Variants in MYO18B observed in about 807,000 individuals in gnomAD.
MYO18B encodes myosin XVIIIB, also known as unconventional myosin-XVIIIb.
A neutral mutation model predicts 273.0 loss-of-function variants in MYO18B; 204 were observed. The ratio of observed to expected loss-of-function variants is 0.75; its 90% CI spans 0.67 to 0.84. The LOEUF is 0.84. MYO18B is among the 40% of genes least tolerant of loss of function. The pLI, the probability that MYO18B is intolerant of heterozygous loss-of-function variation, is 0.00. For synonymous variants in MYO18B, 1,330 were observed against 1,305.7 expected, an observed-to-expected ratio of 1.02 and a Z score of -0.40; for missense variants, 3,212 against 3,287.6, an observed-to-expected ratio of 0.98 and a Z score of 0.56.
intron 15 of MYO18B, 52 bp downstream of exon 15, chr22:25,829,020 G>A (rs1304175195): frequency 1.5e-5 from 23 of 1,579,994 alleles, no homozygotes; most frequent in African/African-American, 2.7e-5. Context: ...GATGGTGTAA[G>A]GTCAGATGGG....
intron 34 of MYO18B, among the ~76,000 whole-genome samples, chr22:25,938,901 T>G (rs926251768): frequency 1.3e-5 from 2 of 152,180 alleles, no homozygotes; most frequent in African/African-American, 4.8e-5. Flanking sequence ...CACAGCAGCC[T>G]TTCATTCCTG....
chr22:26,007,949 CTATCT>C lies in MYO18B; in HGVS notation c.6470+3096_6470+3100del, dbSNP rs1569290006. On this transcript the variant is annotated intron_variant, in intron 42 of 43. Coordinates refer to ENST00000335473, the MANE Select transcript of MYO18B (RefSeq NM_032608.7). ...TCTTCAGTTTGGTGTATATCCTTCT[CTATCT>C]TTTTCTATATGTATATATCATAAAC... 4.6e-5 allele frequency among the ~76,000 whole-genome samples: 7 copies of C among 152,324 alleles called. No individual in the cohort carries two copies. The South Asian group carries it at 1.4e-3, about 32-fold the overall frequency.
rs1254376568 is a variant in MYO18B, at chr22:25,893,847, C to G, written c.4544-1309C>G. 3.3e-5 allele frequency among the ~76,000 whole-genome samples: 5 copies of G among 151,848 alleles called. No individual in the cohort carries two copies. In the East Asian group the frequency reaches 5.8e-4, roughly 18 times the overall value. ...TCCATCTGCCCATCTACTCACCCAC[C>G]TATCCATATACCCTACCACTTATTT... On this transcript the variant is annotated intron_variant, in intron 27 of 43. Transcript: ENST00000335473.
chr22:25,861,242 C>T (rs2090726301), intron 21 of MYO18B, among the ~76,000 whole-genome samples: 1 of 152,172 alleles, frequency 6.6e-6, no homozygotes, highest in South Asian at 2.1e-4. Flanking sequence ...GTATTACGCT[C>T]TCCAACTATT....
chr22:26,017,203 CT>C (rs1232273500), intron 42 of MYO18B, among the ~76,000 whole-genome samples: 1 of 149,760 alleles, frequency 6.7e-6, no homozygotes, highest in Non-Finnish European at 1.5e-5. Context: ...TTTCTTCCTT[CT>C]TTTTTTAAAT....
chr22:26,004,285 A>G (rs1934238602), intron 41 of MYO18B, among the ~76,000 whole-genome samples: 1 of 152,164 alleles, frequency 6.6e-6, no homozygotes, highest in Non-Finnish European at 1.5e-5. Context: ...TTTAAAGATG[A>G]TCCAGATAAG....
intron 42 of MYO18B, among the ~76,000 whole-genome samples, chr22:26,019,420 C>A (rs770993383): frequency 1.1e-4 from 16 of 152,200 alleles, no homozygotes; most frequent in Non-Finnish European, 1.9e-4. Context: ...GCAATATCTG[C>A]TTTAGAGGAC....
intron 12 of MYO18B, among the ~76,000 whole-genome samples, chr22:25,823,300 G>C (rs1039018992): frequency 6.6e-6 from 1 of 152,210 alleles, no homozygotes; most frequent in Non-Finnish European, 1.5e-5. Flanking sequence ...TGGCGAGGAA[G>C]TCGGATAAGC....
chr22:26,003,185 G>A, intron 40 of MYO18B, 80 bp from the exon 41 acceptor site: 1 of 1,298,468 alleles, frequency 7.7e-7, no homozygotes, highest in Non-Finnish European at 1.1e-6. Flanking sequence ...TCACACTCAT[G>A]TCTGTCTAAC....
intron 8 of MYO18B, among the ~76,000 whole-genome samples, chr22:25,778,410 TTAA>T (rs1272977739): frequency 5.9e-5 from 9 of 152,098 alleles, no homozygotes; most frequent in African/African-American, 2.2e-4. Context: ...AACTACAATA[TTAA>T]TAACCATCAG....
intron 20 of MYO18B, among the ~76,000 whole-genome samples, chr22:25,848,385 T>C (rs1272025124): frequency 6.6e-6 from 1 of 152,144 alleles, no homozygotes; most frequent in Non-Finnish European, 1.5e-5. Flanking sequence ...CATAAGAAAC[T>C]GTCACCTCTG....
intron 31 of MYO18B, among the ~76,000 whole-genome samples, chr22:25,906,298 T>TTA (rs35770618): frequency 0.27 from 40,662 of 152,048 alleles, 6,018 homozygotes; most frequent in Middle Eastern, 0.36. Context: ...AAAAGAAATA[T>TTA]TATAGTTACT....
intron 28 of MYO18B, 27 bp from the exon 29 acceptor site, chr22:25,898,280 G>C: frequency 6.2e-7 from 1 of 1,604,852 alleles, no homozygotes; most frequent in Non-Finnish European, 8.5e-7. Flanking sequence ...CCACAGAGCC[G>C]GGTAATTCAT....
intron 19 of MYO18B, 91 bp downstream of exon 19, chr22:25,846,374 A>G: frequency 7.0e-7 from 1 of 1,418,770 alleles, no homozygotes; most frequent in South Asian, 1.3e-5. Context: ...CATCATCTCT[A>G]ACCTCCCCAG....
the MYO18B span, among the ~76,000 whole-genome samples, chr22:26,050,361 G>T: frequency 6.6e-6 from 1 of 152,208 alleles, no homozygotes; most frequent in Non-Finnish European, 1.5e-5. Flanking sequence ...TGGGAATTTC[G>T]ATATACAGAC....
intron 11 of MYO18B, among the ~76,000 whole-genome samples, chr22:25,796,644 A>T (rs1386597486): frequency 6.6e-6 from 1 of 152,108 alleles, no homozygotes; most frequent in Non-Finnish European, 1.5e-5. Flanking sequence ...TGCACGGAAG[A>T]CAGAAAACAA....
chr22:25,870,504 T>G (rs558019768), intron 22 of MYO18B, among the ~76,000 whole-genome samples: 35 of 152,336 alleles, frequency 2.3e-4, no homozygotes, highest in African/African-American at 7.7e-4. Context: ...AATATGGTAT[T>G]ATAATGTTAT....
intron 21 of MYO18B, 48 bp from the exon 22 acceptor site, chr22:25,868,272 T>A (rs1254761702): frequency 2.0e-6 from 3 of 1,506,530 alleles, no homozygotes; most frequent in Non-Finnish European, 2.7e-6. Flanking sequence ...CCCTTTAGGA[T>A]CCTCCTACCT....
intron 34 of MYO18B, among the ~76,000 whole-genome samples, chr22:25,935,323 G>A (rs144061729): frequency 6.0e-4 from 91 of 152,302 alleles, no homozygotes; most frequent in African/African-American, 2.1e-3. Flanking sequence ...AGTTGAGTTG[G>A]CACCTTTCTG....
Sources: allele counts gnomAD v4.1 joint callset (sites outside exome capture counted in the v4.1 genomes callset), GRCh38; gene constraint gnomAD v4.1.1; transcripts MANE v1.5; gene names NCBI Gene and HGNC (gene_info 2026-07-23, HGNC 2026-07-21).